Variants in ADARB2 observed in about 807,000 individuals in gnomAD.
ADARB2 encodes inactive double-stranded RNA-specific editase B2.
A neutral mutation model predicts 62.2 loss-of-function variants in ADARB2; 25 were observed. That is an observed-to-expected ratio of 0.40 (90% CI 0.29 to 0.56). The LOEUF is 0.56. Among genes scored for constraint, ADARB2 ranks in the 20% least tolerant of loss-of-function variants. The pLI is 0.43. For synonymous variants in ADARB2, 572 were observed against 500.8 expected, an observed-to-expected ratio of 1.14 and a Z score of -1.90; for missense variants, 1,071 against 1,077.4, an observed-to-expected ratio of 0.99 and a Z score of 0.08.
chr10:1,603,316 G>C (rs1038728519), intron 1 of ADARB2, among the ~76,000 whole-genome samples: 2 of 152,334 alleles, frequency 1.3e-5, no homozygotes, highest in Admixed American at 1.3e-4. Context: ...TCCTGGTGCC[G>C]CATTGACAAG....
Position 1,737,354 on chromosome 10 carries a change from G to C in ADARB2, c.-204C>G. 1 of 564,944 alleles carries C rather than the reference G, an allele frequency of 1.8e-6. No homozygotes were observed. The highest frequency in any genetic ancestry group is 3.1e-6 in the Non-Finnish European group (1 of 321,330). 35.0% of individuals were successfully genotyped at this position (564,944 alleles called of 1,614,324 possible). A position where few individuals can be genotyped will look rare whatever the true frequency, so the allele number is the denominator to read the frequency against. On this transcript the variant is annotated 5_prime_UTR_variant, in exon 1 of 10. Transcript: ENST00000381312. ...TATGACTTGCTCCCACTGGGCTGGGGGCCTCGGCTGGGCGCCTGGAGCGAG... is the reference window on the plus strand; with the variant it reads ...TATGACTTGCTCCCACTGGGCTGGGCGCCTCGGCTGGGCGCCTGGAGCGAG...
chr10:1,609,223 G>T (rs1398297645), intron 1 of ADARB2, among the ~76,000 whole-genome samples: 1 of 152,186 alleles, frequency 6.6e-6, no homozygotes, highest in Non-Finnish European at 1.5e-5. Flanking sequence ...ACACGTCCGG[G>T]TTTAATAGAC....
intron 1 of ADARB2, among the ~76,000 whole-genome samples, chr10:1,556,159 T>C (rs1459674081): frequency 1.3e-5 from 2 of 152,098 alleles, no homozygotes; most frequent in Non-Finnish European, 2.9e-5. Context: ...CACCTTCCCG[T>C]GGCTGGGAAA....
At chr10:1,594,911 G>A (rs779224331) in intron 1 of ADARB2, among the ~76,000 whole-genome samples, 1 of 152,176 alleles carries the variant, frequency 6.6e-6, no homozygotes, top group Non-Finnish European at 1.5e-5. Context: ...TGCCATCCAC[G>A]CATCCAGCAC....
chr10:1,718,830 C>A (rs562528727), intron 1 of ADARB2, among the ~76,000 whole-genome samples: 210 of 152,292 alleles, frequency 1.4e-3, no homozygotes, highest in African/African-American at 4.3e-3. Context: ...GTCCCTGAGC[C>A]TCTCGGCAAG....
chr10:1,307,784 C>A (rs1312531268), intron 3 of ADARB2, among the ~76,000 whole-genome samples: 1 of 100,340 alleles, frequency 1.0e-5, no homozygotes, highest in Admixed American at 1.2e-4. Context: ...TTTGTAGGGA[C>A]ATGGATGAAA....
chr10:1,732,530 C>A lies in ADARB2; in HGVS notation c.100+4521G>T, dbSNP rs371254983. On this transcript the variant is annotated intron_variant, in intron 1 of 9. Coordinates refer to ENST00000381312, the MANE Select transcript of ADARB2 (RefSeq NM_018702.4). The stretch of plus-strand genomic sequence containing the variant: ...TCACTAGAAACCAGAGGCACTGATA[C>A]AAAATTTTTAAAAAGAGAAAGGGGG... 2.3e-4 allele frequency among the ~76,000 whole-genome samples: 35 copies of A among 152,198 alleles called. 1 individual carries two copies. In the East Asian group the frequency reaches 3.9e-3, roughly 17 times the overall value.
intron 1 of ADARB2, among the ~76,000 whole-genome samples, chr10:1,440,483 T>G (rs1215942349): frequency 2.0e-5 from 3 of 152,024 alleles, no homozygotes; most frequent in Non-Finnish European, 2.9e-5. Flanking sequence ...GATTGCTTTT[T>G]GGAGCCAGAG....
intron 1 of ADARB2, among the ~76,000 whole-genome samples, chr10:1,719,711 C>G (rs747399340): frequency 3.3e-5 from 5 of 152,038 alleles, no homozygotes; most frequent in Non-Finnish European, 7.4e-5. Context: ...AACAAACAAC[C>G]CTATTAAAAA....
At chr10:1,666,380 C>T (rs763062287) in intron 1 of ADARB2, among the ~76,000 whole-genome samples, 5 of 152,220 alleles carry the variant, frequency 3.3e-5, no homozygotes, top group Non-Finnish European at 7.3e-5. Flanking sequence ...CGAAGGGGGG[C>T]CAGTAGCACA....
rs527293707 is a variant in ADARB2, at chr10:1,364,976, G to A, written c.188-1059C>T. ...CAACCTCCGCCTCCCAGATTCAAGC[G>A]ATTCTTCTGCCTCAGCCTCCTGAGT... On this transcript the variant is annotated intron_variant, in intron 2 of 9. Transcript: ENST00000381312. Among the ~76,000 whole-genome samples the A allele has an allele frequency of 1.5e-3, 234 of 151,138 alleles. 1 individual carries two copies. The highest frequency in any genetic ancestry group is 5.5e-3 in the African/African-American group (228 of 41,142).
chr10:1,685,207 C>T (rs749480665), intron 1 of ADARB2, among the ~76,000 whole-genome samples: 8 of 152,050 alleles, frequency 5.3e-5, no homozygotes, highest in African/African-American at 7.2e-5. Context: ...TTGGTGAGTG[C>T]GTGAGTGTGT....
chr10:1,460,046 A>T (rs1831151010), intron 1 of ADARB2, among the ~76,000 whole-genome samples: 11 of 69,730 alleles, frequency 1.6e-4, no homozygotes, highest in Admixed American at 4.7e-4. Context: ...TTACCTGTGT[A>T]GCAAACCTGC....
chr10:1,329,722 C>T (rs1425914552), intron 3 of ADARB2, among the ~76,000 whole-genome samples: 1 of 152,134 alleles, frequency 6.6e-6, no homozygotes, highest in Non-Finnish European at 1.5e-5. Context: ...AACATCCCTG[C>T]CAGGCACTGG....
In ADARB2 at chr10:1,737,134, C is replaced by T. The variant is rs756931124; in HGVS notation, c.17G>A (p.Gly6Glu). ...CAGCCCTCCAGACCCTCTGCCGCTC[C>T]CCAGGACCGAGGCCATGGCCGAGAC... is the stretch of plus-strand genomic sequence containing the variant. Reference protein sequence around the residue: MASVLGSGRGSGGLSS... With the variant: MASVLESGRGSGGLSS... The change falls in exon 1 of 10, where the codon GGG becomes GAG. Residue 6 changes from glycine (G) to glutamate (E), a missense_variant. Transcript: ENST00000381312. 6.2e-7 allele frequency: 1 copy of T among 1,608,940 alleles called. No homozygotes were observed. Among genetic ancestry groups the T allele is most frequent in the South Asian group, 1.1e-5 (1 of 91,076 alleles).
intron 1 of ADARB2, among the ~76,000 whole-genome samples, chr10:1,657,931 CTCTT>C (rs1012216607): frequency 6.8e-6 from 1 of 147,314 alleles, no homozygotes; most frequent in Non-Finnish European, 1.5e-5. Flanking sequence ...TTCTCTGTCT[CTCTT>C]TATCTGATTC....
chr10:1,391,275 C>A (rs923539253), intron 1 of ADARB2, among the ~76,000 whole-genome samples: 59 of 152,202 alleles, frequency 3.9e-4, no homozygotes, highest in Middle Eastern at 3.2e-3. Context: ...GTGACCCCCC[C>A]ATAGTGCTCA....
chr10:1,435,185 C>T (rs547209590), intron 1 of ADARB2, among the ~76,000 whole-genome samples: 26 of 152,228 alleles, frequency 1.7e-4, no homozygotes, highest in African/African-American at 5.8e-4. Flanking sequence ...GCCCAGGTTA[C>T]GGGGAAGGTG....
rs986545011 is a variant in ADARB2, at chr10:1,581,262, A to G, written c.100+155789T>C. On this transcript the variant is annotated intron_variant, in intron 1 of 9. Coordinates refer to ENST00000381312, the MANE Select transcript of ADARB2 (RefSeq NM_018702.4). ...TGGAACTGTTGTGAGGCTTAAACCC[A>G]TCAGACGTTCCGCTCGTGGGAGCTT... Among the ~76,000 whole-genome samples the G allele has an allele frequency of 2.7e-4, 41 of 152,370 alleles. 1 individual carries two copies. The highest frequency in any genetic ancestry group is 4.6e-4 in the Admixed American group (7 of 15,302).
Sources: allele counts gnomAD v4.1 joint callset (sites outside exome capture counted in the v4.1 genomes callset), GRCh38; gene constraint gnomAD v4.1.1; transcripts MANE v1.5; gene names NCBI Gene and HGNC (gene_info 2026-07-23, HGNC 2026-07-21).